The following SPAG16 variants were observed in gnomAD, a reference collection of about 807,000 sequenced individuals.
SPAG16 encodes the protein sperm associated antigen 16.
In SPAG16, 86 loss-of-function variants were observed where a neutral mutation model predicts 80.4. That is an observed-to-expected ratio of 1.07 (90% confidence interval 0.90 to 1.28). The LOEUF (loss-of-function observed/expected upper bound fraction) is 1.28, where lower values mean the gene tolerates loss of function less well. Among genes scored for constraint, SPAG16 ranks in the 50% most tolerant of loss-of-function variants. The pLI is 0.00. For missense variants in SPAG16, 870 were observed against 765.3 expected (o/e 1.14, Z -1.61); for synonymous variants, 294 against 265.9 (o/e 1.11, Z -1.03).
chr2:214,332,196 G>A (rs1322571267), intron 15 of SPAG16, among the ~76,000 whole-genome samples: 1 of 152,196 alleles, frequency 6.6e-6, no homozygotes, highest in East Asian at 1.9e-4. Context: ...AGGTTGCAGT[G>A]AGCCAAGATC....
At chr2:213,717,811 T>G (rs1346548809) in intron 10 of SPAG16, among the ~76,000 whole-genome samples, 2 of 152,124 alleles carry the variant, frequency 1.3e-5, no homozygotes, top group Non-Finnish European at 2.9e-5. Context: ...AGATACAGAT[T>G]ACAAAATTAT....
intron 13 of SPAG16, among the ~76,000 whole-genome samples, chr2:214,015,524 G>A (rs2047546959): frequency 6.6e-6 from 1 of 151,812 alleles, no homozygotes; most frequent in Admixed American, 6.6e-5. Context: ...CTTGTATCCA[G>A]GAGGCGGAAG....
intron 14 of SPAG16, among the ~76,000 whole-genome samples, chr2:214,113,070 C>T (rs2053757402): frequency 6.6e-6 from 1 of 152,086 alleles, no homozygotes; most frequent in Admixed American, 6.6e-5. Context: ...TTTATTTCTC[C>T]TTCATTTATG....
At chr2:214,307,233 C>T (rs1344490709) in intron 15 of SPAG16, among the ~76,000 whole-genome samples, 5 of 151,748 alleles carry the variant, frequency 3.3e-5, no homozygotes, top group African/African-American at 9.7e-5. Flanking sequence ...TGGTAATATC[C>T]CCCTTTTTTG....
intron 15 of SPAG16, among the ~76,000 whole-genome samples, chr2:214,201,084 G>T (rs1168644182): frequency 6.6e-6 from 1 of 152,086 alleles, no homozygotes; most frequent in African/African-American, 2.4e-5. Context: ...GACACAGACT[G>T]GTATTGTTTT....
chr2:214,013,822 T>C, intron 12 of SPAG16, 129 bp from the exon 13 acceptor site: 2 of 850,822 alleles, frequency 2.4e-6, no homozygotes, highest in Non-Finnish European at 1.8e-6. Flanking sequence ...ACTTTTAAAA[T>C]GTTGTTATTG....
At chr2:213,295,268 T>G (rs1382016983) in intron 1 of SPAG16, among the ~76,000 whole-genome samples, 2 of 152,082 alleles carry the variant, frequency 1.3e-5, no homozygotes, top group Non-Finnish European at 2.9e-5. Context: ...CAACAAGCAT[T>G]GCTGGTGTGT....
chr2:214,267,118 T>C (rs1218913658), intron 15 of SPAG16, among the ~76,000 whole-genome samples: 1 of 151,258 alleles, frequency 6.6e-6, no homozygotes, highest in African/African-American at 2.4e-5. Context: ...CAAAAAATCC[T>C]GAATAACTAA....
intron 12 of SPAG16, among the ~76,000 whole-genome samples, chr2:213,988,891 G>A (rs2046150332): frequency 6.6e-6 from 1 of 152,078 alleles, no homozygotes; most frequent in Non-Finnish European, 1.5e-5. Context: ...TAGATTCAAT[G>A]TAATTCCTAT....
At chr2:213,580,802 T>C (rs2060273312) in intron 10 of SPAG16, among the ~76,000 whole-genome samples, 1 of 152,200 alleles carries the variant, frequency 6.6e-6, no homozygotes, top group South Asian at 2.1e-4. Context: ...ATTTTTTATT[T>C]ATCATTTTAA....
chr2:213,954,845 A>G (rs1049214730), intron 12 of SPAG16, among the ~76,000 whole-genome samples: 7 of 152,178 alleles, frequency 4.6e-5, no homozygotes, highest in African/African-American at 1.7e-4. Flanking sequence ...TATTATGATT[A>G]TTATAGCTGT....
chr2:214,263,494 C>A (rs887015621), intron 15 of SPAG16, among the ~76,000 whole-genome samples: 1 of 152,048 alleles, frequency 6.6e-6, no homozygotes, highest in East Asian at 1.9e-4. Flanking sequence ...CATATATGAG[C>A]GATCCTACCT....
intron 12 of SPAG16, among the ~76,000 whole-genome samples, chr2:213,982,571 A>G (rs561516421): frequency 2.9e-4 from 44 of 151,944 alleles, no homozygotes; most frequent in African/African-American, 9.4e-4. Flanking sequence ...ACTATAGAAA[A>G]CATAAGCAAA....
chr2:213,490,530 G>A (rs1007578470), intron 10 of SPAG16, among the ~76,000 whole-genome samples: 1 of 152,054 alleles, frequency 6.6e-6, no homozygotes, highest in African/African-American at 2.4e-5. Flanking sequence ...ATGAGACTTA[G>A]TATTACTCAA....
intron 5 of SPAG16, among the ~76,000 whole-genome samples, chr2:213,327,782 C>T (rs1332306466): frequency 6.6e-6 from 1 of 152,000 alleles, no homozygotes; most frequent in Non-Finnish European, 1.5e-5. Context: ...TACTTACTGG[C>T]ACACTCCTTA....
chr2:214,406,483 G>A (rs549504939), intron 15 of SPAG16, among the ~76,000 whole-genome samples: 11 of 152,102 alleles, frequency 7.2e-5, no homozygotes, highest in African/African-American at 2.4e-4. Flanking sequence ...GGATTCTATT[G>A]TTAATAATGC....
chr2:214,297,808 T>C (rs1694240373), intron 15 of SPAG16, among the ~76,000 whole-genome samples: 1 of 150,370 alleles, frequency 6.7e-6, no homozygotes, highest in Non-Finnish European at 1.5e-5. Flanking sequence ...TTAAGATTGC[T>C]TGGGCTATTT....
intron 6 of SPAG16, among the ~76,000 whole-genome samples, chr2:213,342,343 C>CATATATGTATATATATATTACAT (rs2064739702): frequency 2.5e-5 from 3 of 117,908 alleles, no homozygotes; most frequent in Non-Finnish European, 5.1e-5. Context: ...ATATATATTA[C>CATATATGTATATATATATTACAT]ATATATGTAT....
intron 10 of SPAG16, among the ~76,000 whole-genome samples, chr2:213,547,510 A>G (rs984626813): frequency 2.6e-5 from 4 of 152,190 alleles, no homozygotes; most frequent in African/African-American, 9.6e-5. Flanking sequence ...AAGTATTCTA[A>G]TATCATTTTA....
Sources: allele counts gnomAD v4.1 joint callset (sites outside exome capture counted in the v4.1 genomes callset), GRCh38; gene constraint gnomAD v4.1.1; transcripts MANE v1.5; gene names NCBI Gene and HGNC (gene_info 2026-07-23, HGNC 2026-07-21).